RPS8: variants seen among roughly 807,000 people sequenced by gnomAD.
RPS8 encodes the protein small ribosomal subunit protein eS8.
For synonymous variants in RPS8, 100 were observed against 100.7 expected, an observed-to-expected ratio of 0.99 and a Z score of 0.04; for missense variants, 141 against 269.7, an observed-to-expected ratio of 0.52 and a Z score of 3.34.
intron 5 of RPS8, 30 bp downstream of exon 5, chr1:44,778,159 A>C: frequency 1.3e-6 from 2 of 1,586,070 alleles, no homozygotes; most frequent in Non-Finnish European, 1.7e-6. Context: ...GGAGGTGGGG[A>C]GTCGCAGAGA....
chr1:44,776,093 C>T lies in RPS8; in HGVS notation c.64C>T (p.His22Tyr), dbSNP rs1478911458. The T allele has an allele frequency of 6.2e-7, 1 of 1,610,196 alleles. No individual in the cohort carries two copies. The highest frequency in any genetic ancestry group is 1.7e-5 in the Admixed American group (1 of 58,334). Residue 22 changes from histidine to tyrosine, a missense_variant, in exon 2 of 6, where the codon CAC becomes TAC. Coordinates refer to ENST00000396651, the MANE Select transcript of RPS8 (RefSeq NM_001012.2). The part of the protein sequence containing the change: ...RKTGGKRKPY[H>Y]KKRKYELGRP... ...AACCGGGGGCAAGAGAAAGCCCTAC[C>T]ACAAGAAGCGGAAGTATGAGTTGGG...
chr1:44,777,887 A>T, intron 4 of RPS8, 98 bp downstream of exon 4: 1 of 1,576,718 alleles, frequency 6.3e-7, no homozygotes, highest in Non-Finnish European at 8.7e-7. Flanking sequence ...GAAGGGAGAG[A>T]GATGAGAGCC....
rs567722981 is a variant in RPS8 at position 44,775,697 on chromosome 1, C to T, written c.4+97C>T. The T allele has an allele frequency of 1.4e-4, 205 of 1,512,040 alleles. 2 individuals are homozygous for T. In the South Asian group the frequency reaches 2.1e-3, roughly 15 times the overall value. 93.7% of individuals were successfully genotyped at this position (1,512,040 alleles called of 1,614,324 possible). A position where few individuals can be genotyped will look rare whatever the true frequency, so the allele number is the denominator to read the frequency against. On this transcript the variant is annotated intron_variant, in intron 1 of 5. Coordinates refer to ENST00000396651, the MANE Select transcript of RPS8 (RefSeq NM_001012.2). ...CTACTGAGGAGTCCAGACGCCCCGA[C>T]CCCCGGCCAGGGACAGCCACGAGGA...
Position 44,778,071 on chromosome 1 carries a change from A to G in RPS8, c.459A>G (p.Lys153=). ...KKIQKKYDER[K]KNAKISSLLE... ...TTCAGAAGAAATATGATGAAAGGAA[A>G]AAGAATGCCAAAATCAGCAGTCTCC... Residue 153 remains lysine (K), a synonymous_variant, in exon 5 of 6, where the codon AAA becomes AAG. Transcript: ENST00000396651. The G allele has an allele frequency of 1.9e-6, 3 of 1,609,678 alleles. No individual in the cohort carries two copies. Among genetic ancestry groups the G allele is most frequent in the Non-Finnish European group, 2.5e-6 (3 of 1,177,616 alleles).
In RPS8 at chr1:44,778,305, G is replaced by A. The variant is rs186425812; in HGVS notation, c.517+176G>A. 7 of 877,002 alleles carry A rather than the reference G, an allele frequency of 8.0e-6. No individual in the cohort carries two copies. In the East Asian group the frequency reaches 1.7e-4, roughly 21 times the overall value. The allele number at this position is 877,002 out of a possible 1,614,324, so 54.3% of individuals were successfully genotyped here. ...ACCCTATTCGTATGAAGCTGAAATG[G>A]GAAGCATTGGGTAGAAGAGTCTGCA... On this transcript the variant is annotated intron_variant, in intron 5 of 5. Coordinates refer to ENST00000396651, the MANE Select transcript of RPS8 (RefSeq NM_001012.2).
chr1:44,778,441 A>T (rs1214617170), intron 5 of RPS8, 135 bp from the exon 6 acceptor site: 1 of 828,126 alleles, frequency 1.2e-6, no homozygotes, highest in East Asian at 2.4e-5. Context: ...AAGTGAAGAT[A>T]AAGTGTGTCT....
chr1:44,776,380 T>C (rs1650853443), intron 2 of RPS8: 9 of 705,330 alleles, frequency 1.3e-5, no homozygotes, highest in Non-Finnish European at 1.8e-5. Context: ...GTGTGGGGAC[T>C]TGAGCTTCTG....
chr1:44,775,583 GCCAGCGC>G lies in RPS8; in HGVS notation c.-12_-6del, dbSNP rs1318672583. The G allele has an allele frequency of 6.2e-7, 1 of 1,614,028 alleles. No homozygotes were observed. Among genetic ancestry groups the G allele is most frequent in the Non-Finnish European group, 8.5e-7 (1 of 1,179,992 alleles). ...TGAATCTTTGCGGTTTCTCTTTCCAGCCAGCGCCGAGCGATGGGTGAGTGTCGCTCTG... is the reference window on the plus strand; with the variant it reads ...TGAATCTTTGCGGTTTCTCTTTCCAGCGAGCGATGGGTGAGTGTCGCTCTG... On this transcript the variant is annotated 5_prime_UTR_variant, in exon 1 of 6. Coordinates refer to ENST00000396651, the MANE Select transcript of RPS8 (RefSeq NM_001012.2).
intron 3 of RPS8, chr1:44,777,216 CGT>C (rs1466651839): frequency 4.6e-6 from 1 of 215,106 alleles, no homozygotes; most frequent in Non-Finnish European, 9.4e-6. Flanking sequence ...GGATTACAGG[CGT>C]GTGCCATCAC....
Position 44,777,993 on chromosome 1 carries a change from T to G in RPS8, c.388-7T>G, listed in dbSNP as rs985251245. The G allele has an allele frequency of 2.5e-6, 4 of 1,613,332 alleles. No individual in the cohort carries two copies. Among genetic ancestry groups the G allele is most frequent in the Non-Finnish European group, 3.4e-6 (4 of 1,179,812 alleles). ...CCTGAGCTCATATATTTGTATCCCC[T>G]TTTCAGACTCCTGAGGAAGAAGAGA... On this transcript the variant is annotated splice_region_variant and splice_polypyrimidine_tract_variant and intron_variant, in intron 4 of 5. Coordinates refer to ENST00000396651, the MANE Select transcript of RPS8 (RefSeq NM_001012.2).
At position 44,776,781 on chromosome 1, in the gene RPS8, G is replaced by C. The variant is rs373420727; in HGVS notation, c.211+7G>C. 21 of 1,592,242 alleles carry C rather than the reference G, an allele frequency of 1.3e-5. No homozygotes were observed. The Admixed American group carries it at 2.0e-4, about 15-fold the overall frequency. ...TTCTCCTGGGGCTCAGAGTGTGAGTGAGGCCCTTTGGGAGTGGGTGGGAAA... is the reference window on the plus strand; with the variant it reads ...TTCTCCTGGGGCTCAGAGTGTGAGTCAGGCCCTTTGGGAGTGGGTGGGAAA... On this transcript the variant is annotated splice_region_variant and intron_variant, in intron 3 of 5. Coordinates refer to ENST00000396651, the MANE Select transcript of RPS8 (RefSeq NM_001012.2).
At chr1:44,777,359 C>T (rs933870660) in intron 3 of RPS8, 6 of 448,348 alleles carry the variant, frequency 1.3e-5, no homozygotes, top group African/African-American at 9.9e-5. Flanking sequence ...GCGTGAGTCA[C>T]CGTGCCCGAC....
intron 1 of RPS8, 107 bp from the exon 2 acceptor site, chr1:44,775,927 G>T: frequency 1.9e-6 from 2 of 1,055,028 alleles, no homozygotes; most frequent in South Asian, 1.3e-5. Context: ...AGCCAACCTT[G>T]GAGAGCTGAG....
In RPS8 at chr1:44,778,173, A is replaced by T. The variant is rs759761705; in HGVS notation, c.517+44A>T. The T allele has an allele frequency of 2.5e-6, 4 of 1,587,980 alleles. No homozygotes were observed. The Admixed American group carries it at 5.6e-5, about 22-fold the overall frequency. On this transcript the variant is annotated intron_variant, in intron 5 of 5. Transcript: ENST00000396651. ...TGGAGGTGGGGAGTCGCAGAGATTG[A>T]GTGTGCCGAGGCACTTTTCCCTTGT...
In RPS8 at chr1:44,777,707, T is replaced by C; in HGVS notation, c.305T>C (p.Val102Ala). The C allele has an allele frequency of 6.2e-7, 1 of 1,614,050 alleles. No individual in the cohort carries two copies. Among genetic ancestry groups the C allele is most frequent in the Non-Finnish European group, 8.5e-7 (1 of 1,179,902 alleles). ...AAGACCCTGGTGAAGAATTGCATCG[T>C]GCTCATCGACAGCACACCGTACCGA... ...RTKTLVKNCI[V>A]LIDSTPYRQW... Residue 102 changes from valine to alanine, a missense_variant, in exon 4 of 6, where the codon GTG (valine) becomes GCG (alanine). Physicochemically the swap from Val to Ala is moderately conservative, Grantham distance 64. Transcript: ENST00000396651.
At chr1:44,777,566 G>C in intron 3 of RPS8, 48 bp from the exon 4 acceptor site, 2 of 1,490,470 alleles carry the variant, frequency 1.3e-6, no homozygotes, top group Non-Finnish European at 1.9e-6. Flanking sequence ...GTGTGCCAGG[G>C]CCATTTGTCC....
Position 44,778,103 on chromosome 1 carries a change from A to G in RPS8, c.491A>G (p.Glu164Gly). The G allele has an allele frequency of 3.8e-6, 6 of 1,598,134 alleles. No homozygotes were observed. Among genetic ancestry groups the G allele is most frequent in the Non-Finnish European group, 5.1e-6 (6 of 1,171,806 alleles). ...GCCAAAATCAGCAGTCTCCTGGAGG[A>G]GCAGTTCCAGCAGGGCAAGCTTCTT... ...KNAKISSLLE[E>G]QFQQGKLLAC... The change falls in exon 5 of 6, where the codon GAG (glutamate) becomes GGG (glycine). Residue 164 changes from glutamate (E) to glycine (G), a missense_variant. Glu to Gly is a moderately conservative substitution (Grantham distance 98). Transcript: ENST00000396651.
chr1:44,776,417 C>G, intron 2 of RPS8: 1 of 745,082 alleles, frequency 1.3e-6, no homozygotes, highest in South Asian at 1.4e-5. Context: ...GCGTCATAGT[C>G]AGAAGCCTAG....
rs1347517992 is a variant in RPS8 at position 44,776,038 on chromosome 1, C to G, written c.9C>G (p.Ile3Met). 6.2e-7 allele frequency: 1 copy of G among 1,612,904 alleles called. No individual in the cohort carries two copies. Among genetic ancestry groups the G allele is most frequent in the South Asian group, 1.1e-5 (1 of 91,024 alleles). The change falls in exon 2 of 6, where the codon ATC (isoleucine) becomes ATG (methionine). Residue 3 changes from isoleucine to methionine, a missense_variant. By Grantham distance (10) the Ile-to-Met change is conservative. Coordinates refer to ENST00000396651, the MANE Select transcript of RPS8 (RefSeq NM_001012.2). MG[I>M]SRDNWHKRRK... ...CTTCCCCGCTTCCACATGCAGGCATCTCTCGGGACAACTGGCACAAGCGCC... is the reference window on the plus strand; with the variant it reads ...CTTCCCCGCTTCCACATGCAGGCATGTCTCGGGACAACTGGCACAAGCGCC...
Sources: gnomAD v4.1 joint callset for allele counts on GRCh38, gnomAD v4.1.1 for gene constraint, MANE v1.5 for transcripts, NCBI Gene and HGNC (gene_info 2026-07-23, HGNC 2026-07-21) for gene names.